The following PIP5K1B variants were observed in gnomAD, a reference collection of about 807,000 sequenced individuals.
The protein encoded by PIP5K1B is phosphatidylinositol 4-phosphate 5-kinase type-1 beta.
A neutral mutation model predicts 67.0 loss-of-function variants in PIP5K1B; 42 were observed. The observed-to-expected ratio is 0.63, with a 90% CI of 0.49 to 0.81. The LOEUF (loss-of-function observed/expected upper bound fraction) is 0.81. Ranked by LOEUF, PIP5K1B falls within the 30% of genes least tolerant of loss-of-function variation. The pLI is 0.00. For synonymous variants in PIP5K1B, 214 were observed against 231.4 expected, an observed-to-expected ratio of 0.92 and a Z score of 0.68; for missense variants, 459 against 646.3, an observed-to-expected ratio of 0.71 and a Z score of 3.14.
intron 2 of PIP5K1B, among the ~76,000 whole-genome samples, chr9:68,786,726 A>C (rs1831640096): frequency 6.6e-6 from 1 of 152,134 alleles, no homozygotes. Context: ...AATTTTATTC[A>C]AAGATTTAGG....
chr9:68,760,353 G>A (rs1830128435), intron 2 of PIP5K1B, among the ~76,000 whole-genome samples: 1 of 152,078 alleles, frequency 6.6e-6, no homozygotes, highest in Admixed American at 6.6e-5. Flanking sequence ...GCAAACAGAA[G>A]TCCTCAGTGA....
intron 4 of PIP5K1B, among the ~76,000 whole-genome samples, chr9:68,837,614 T>TTG (rs1554721797): frequency 3.8e-5 from 5 of 131,490 alleles, no homozygotes; most frequent in Admixed American, 1.6e-4. Context: ...TGTGTTTTTT[T>TTG]TTTTTTTTTT....
rs140924779 is a variant in PIP5K1B at position 68,891,670 on chromosome 9, A to G, written c.471+2537A>G. On this transcript the variant is annotated intron_variant, in intron 7 of 15. Transcript: ENST00000265382. ...ACAAAAAGAAATAGAAAAAAGTACA[A>G]GCACTGTTCTCTTTAAATGACAGAA... is the stretch of plus-strand genomic sequence containing the variant. Among the ~76,000 whole-genome samples, 280 of 152,282 alleles carry G rather than the reference A, an allele frequency of 1.8e-3. 3 individuals carry two copies. Among genetic ancestry groups the G allele is most frequent in the African/African-American group, 6.4e-3 (266 of 41,578 alleles).
chr9:68,802,504 AAG>A (rs987835824), intron 2 of PIP5K1B, among the ~76,000 whole-genome samples: 7 of 152,200 alleles, frequency 4.6e-5, no homozygotes, highest in Non-Finnish European at 8.8e-5. Flanking sequence ...GTGTACTAGA[AAG>A]AGAAGAAATT....
intron 1 of PIP5K1B, among the ~76,000 whole-genome samples, chr9:68,715,017 G>C (rs940692151): frequency 6.6e-6 from 1 of 152,178 alleles, no homozygotes; most frequent in Admixed American, 6.5e-5. Context: ...TGTGGTCTAG[G>C]AATAAAATCT....
chr9:68,919,549 C>T lies in PIP5K1B; in HGVS notation c.1054C>T (p.Leu352=). 2 of 1,580,498 alleles carry T rather than the reference C, an allele frequency of 1.3e-6. No homozygotes were observed. Among genetic ancestry groups the T allele is most frequent in the Non-Finnish European group, 1.7e-6 (2 of 1,153,038 alleles). Reference sequence around the variant, plus strand: ...TTTATTTATGGGCATTATTGACATTCTGCAATCATATAGGTAAGAAGTTTG... The same window carrying T: ...TTTATTTATGGGCATTATTGACATTTTGCAATCATATAGGTAAGAAGTTTG... ...LLLFMGIIDI[L]QSYRLMKKLE... The change falls in exon 10 of 16, where the codon CTG becomes TTG. Residue 352 remains leucine, a synonymous_variant. Transcript: ENST00000265382.
intron 2 of PIP5K1B, chr9:68,782,964 A>C (rs544365417): frequency 6.0e-6 from 1 of 167,038 alleles, no homozygotes; most frequent in Non-Finnish European, 1.5e-5. Flanking sequence ...AGTCCTGTCA[A>C]CTTCTGAAAT....
intron 5 of PIP5K1B, among the ~76,000 whole-genome samples, chr9:68,869,809 C>G (rs2132288972): frequency 6.6e-6 from 1 of 152,214 alleles, no homozygotes; most frequent in South Asian, 2.1e-4. Flanking sequence ...GAGACCTCAT[C>G]TCTTTATATT....
Position 68,989,094 on chromosome 9 carries a change from CAAAAAAAAAA to C in PIP5K1B, c.1503-2029_1503-2020del, listed in dbSNP as rs71353097. ...TGGCTGACAGAGCAAGACTCCGTCT[CAAAAAAAAAA>C]AAAAAAAAAAAAAAAATCCACACAA... On this transcript the variant is annotated intron_variant, in intron 14 of 15. Coordinates refer to ENST00000265382, the MANE Select transcript of PIP5K1B (RefSeq NM_003558.4). Among the ~76,000 whole-genome samples, 309 of 56,018 alleles carry C rather than the reference CAAAAAAAAAA, an allele frequency of 5.5e-3. 12 individuals carry two copies. The highest frequency in any genetic ancestry group is 0.051 in the Admixed American group (184 of 3,604). 36.7% of individuals were successfully genotyped at this position (56,018 alleles called of 152,430 possible). A position where few individuals can be genotyped will look rare whatever the true frequency, so the allele number is the denominator to read the frequency against.
chr9:68,756,452 G>A (rs1360327921), intron 2 of PIP5K1B, among the ~76,000 whole-genome samples: 1 of 152,186 alleles, frequency 6.6e-6, no homozygotes, highest in Non-Finnish European at 1.5e-5. Flanking sequence ...AAGGTCATCT[G>A]TAAATTAACA....
At chr9:68,866,956 A>C (rs1823388923) in intron 5 of PIP5K1B, among the ~76,000 whole-genome samples, 1 of 152,200 alleles carries the variant, frequency 6.6e-6, no homozygotes, top group Non-Finnish European at 1.5e-5. Flanking sequence ...CAAAACCAAA[A>C]AATCAAATTG....
At chr9:68,845,261 A>T (rs888885628) in intron 4 of PIP5K1B, among the ~76,000 whole-genome samples, 12 of 152,056 alleles carry the variant, frequency 7.9e-5, no homozygotes, top group Non-Finnish European at 5.9e-5. Flanking sequence ...TTTGTAAATT[A>T]ATATGGTGGG....
intron 14 of PIP5K1B, among the ~76,000 whole-genome samples, chr9:68,953,177 G>A (rs1290433802): frequency 2.6e-5 from 4 of 151,476 alleles, no homozygotes; most frequent in Non-Finnish European, 4.4e-5. Context: ...TTATGTTTCT[G>A]TCCTAGTTTC....
At chr9:68,742,883 A>C (rs1479892575) in intron 2 of PIP5K1B, among the ~76,000 whole-genome samples, 1 of 152,198 alleles carries the variant, frequency 6.6e-6, no homozygotes, top group Admixed American at 6.5e-5. Context: ...TCAAATAAAC[A>C]CACTCAAAAT....
chr9:68,721,959 C>CATGAT (rs1301174479), intron 1 of PIP5K1B, among the ~76,000 whole-genome samples: 1 of 152,132 alleles, frequency 6.6e-6, no homozygotes, highest in African/African-American at 2.4e-5. Flanking sequence ...ATAGCATGTA[C>CATGAT]AGCCTACTGT....
chr9:69,004,716 T>C, intron 15 of PIP5K1B, among the ~76,000 whole-genome samples: 1 of 152,196 alleles, frequency 6.6e-6, no homozygotes, highest in Non-Finnish European at 1.5e-5. Context: ...AGCTATGAGT[T>C]AGTTTCCTTC....
chr9:68,800,115 C>A (rs573133039), intron 2 of PIP5K1B, among the ~76,000 whole-genome samples: 319 of 152,278 alleles, frequency 2.1e-3, no homozygotes, highest in Non-Finnish European at 3.5e-3. Flanking sequence ...ATACATGAGC[C>A]TGGCCTTCCC....
At chr9:68,831,529 T>C (rs1834319819) in intron 4 of PIP5K1B, among the ~76,000 whole-genome samples, 1 of 152,204 alleles carries the variant, frequency 6.6e-6, no homozygotes, top group Non-Finnish European at 1.5e-5. Context: ...TGTAAGACCC[T>C]ACCCACTGCA....
chr9:68,893,374 C>G (rs1360292925), intron 7 of PIP5K1B, among the ~76,000 whole-genome samples: 1 of 135,446 alleles, frequency 7.4e-6, no homozygotes, highest in Non-Finnish European at 1.5e-5. Flanking sequence ...CGCTCTGTCA[C>G]CCCGGCTGGA....
Sources: allele counts gnomAD v4.1 joint callset (sites outside exome capture counted in the v4.1 genomes callset), GRCh38; gene constraint gnomAD v4.1.1; transcripts MANE v1.5; gene names NCBI Gene and HGNC (gene_info 2026-07-23, HGNC 2026-07-21).